The following PTGIS variants were observed in gnomAD, a reference collection of about 807,000 sequenced individuals.
PTGIS encodes prostacyclin synthase.
A neutral mutation model predicts 50.3 loss-of-function variants in PTGIS; 45 were observed. That is an observed-to-expected ratio of 0.90 (90% CI 0.70 to 1.15). PTGIS has a LOEUF of 1.15. PTGIS is among the 50% of genes most tolerant of loss of function. PTGIS has a pLI of 0.00. For synonymous variants in PTGIS, 260 were observed against 267.7 expected, an observed-to-expected ratio of 0.97 and a Z score of 0.28; for missense variants, 668 against 661.3, an observed-to-expected ratio of 1.01 and a Z score of -0.11.
chr20:49,515,250 C>T (rs1184437369), intron 6 of PTGIS, among the ~76,000 whole-genome samples: 1 of 152,192 alleles, frequency 6.6e-6, no homozygotes, highest in Non-Finnish European at 1.5e-5. Flanking sequence ...ACGTATAAAA[C>T]AAAGCCGCAA....
At chr20:49,544,198 G>T (rs1982298670) in intron 4 of PTGIS, 107 bp downstream of exon 4, 1 of 1,459,568 alleles carries the variant, frequency 6.9e-7, no homozygotes, top group Non-Finnish European at 9.3e-7. Flanking sequence ...GTCTCAAATT[G>T]CTTCCCCCAC....
intron 1 of PTGIS, among the ~76,000 whole-genome samples, chr20:49,559,715 A>G (rs1982716636): frequency 6.6e-6 from 1 of 152,198 alleles, no homozygotes; most frequent in African/African-American, 2.4e-5. Flanking sequence ...CACATATTGT[A>G]TTAATTCATT....
At chr20:49,548,827 A>C (rs528442704) in intron 2 of PTGIS, among the ~76,000 whole-genome samples, 8 of 152,178 alleles carry the variant, frequency 5.3e-5, no homozygotes, top group African/African-American at 1.7e-4. Flanking sequence ...AGATCAATGA[A>C]TCTATGTTGG....
At chr20:49,542,053 G>A (rs569251727) in intron 4 of PTGIS, among the ~76,000 whole-genome samples, 16 of 152,278 alleles carry the variant, frequency 1.1e-4, no homozygotes, top group Non-Finnish European at 2.4e-4. Context: ...AGACCTGTGG[G>A]GAACAGCATT....
At chr20:49,508,213 TTGC>T in intron 9 of PTGIS, 149 bp from the exon 10 acceptor site, 1 of 980,838 alleles carries the variant, frequency 1.0e-6, no homozygotes, top group Non-Finnish European at 1.6e-6. Flanking sequence ...AGAAACGCAT[TTGC>T]TGCTCACCAC....
chr20:49,508,167 C>A (rs1981207229), intron 9 of PTGIS, 103 bp from the exon 10 acceptor site: 6 of 1,363,378 alleles, frequency 4.4e-6, no homozygotes, highest in Non-Finnish European at 5.1e-6. Context: ...CTGACTCCAA[C>A]TTTGAGTAAA....
At chr20:49,509,498 T>C (rs1333726358) in intron 9 of PTGIS, among the ~76,000 whole-genome samples, 1 of 152,234 alleles carries the variant, frequency 6.6e-6, no homozygotes, top group Non-Finnish European at 1.5e-5. Context: ...TAACACTTGT[T>C]TTGAACAGGT....
At chr20:49,518,773 C>T (rs531233054) in intron 6 of PTGIS, among the ~76,000 whole-genome samples, 23 of 152,114 alleles carry the variant, frequency 1.5e-4, no homozygotes, top group Non-Finnish European at 2.6e-4. Context: ...AGATTCCACC[C>T]GAGTCTGTCT....
At chr20:49,546,335 T>TC (rs1244181814) in intron 3 of PTGIS, among the ~76,000 whole-genome samples, 4 of 151,950 alleles carry the variant, frequency 2.6e-5, no homozygotes, top group African/African-American at 9.7e-5. Context: ...ACCCCCAGGG[T>TC]CCCCCTGGAA....
At chr20:49,531,727 A>C (rs1036393809) in intron 5 of PTGIS, among the ~76,000 whole-genome samples, 1 of 152,124 alleles carries the variant, frequency 6.6e-6, no homozygotes, top group Non-Finnish European at 1.5e-5. Flanking sequence ...CCTGGGCTCA[A>C]GTGATCCTCC....
rs1249104790 is a variant in PTGIS at position 49,525,788 on chromosome 20, C to T, written c.674-1549G>A. 2.6e-5 allele frequency among the ~76,000 whole-genome samples: 4 copies of T among 152,254 alleles called. No homozygotes were observed. In the East Asian group the frequency reaches 7.7e-4, roughly 29 times the overall value. ...CTCTGAAGTTTCAAAGTATTGGAAA[C>T]TCCCTCACTGACTCTTCTGAACCAC... On this transcript the variant is annotated intron_variant, in intron 5 of 9. Transcript: ENST00000244043.
At position 49,507,753 on chromosome 20, in the gene PTGIS, C is replaced by T; in HGVS notation, c.*167G>A. The T allele has an allele frequency of 5.5e-6, 5 of 901,852 alleles. No homozygotes were observed. Among genetic ancestry groups the T allele is most frequent in the Admixed American group, 2.1e-5 (1 of 48,282 alleles). 55.9% of individuals were successfully genotyped at this position (901,852 alleles called of 1,614,324 possible). A position where few individuals can be genotyped will look rare whatever the true frequency, so the allele number is the denominator to read the frequency against. On this transcript the variant is annotated 3_prime_UTR_variant, in exon 10 of 10. Transcript: ENST00000244043. ...TTTCAATGTCTTTTCTTTGTTCACC[C>T]TCTTAGCTTTTCCCTCCCCTGGACC... is the stretch of plus-strand genomic sequence containing the variant.
chr20:49,514,991 A>G (rs1981438879), intron 6 of PTGIS, among the ~76,000 whole-genome samples: 1 of 152,228 alleles, frequency 6.6e-6, no homozygotes, highest in Non-Finnish European at 1.5e-5. Flanking sequence ...AGACTCATGG[A>G]CAGAGCTGAG....
chr20:49,548,472 T>G (rs1330122309), intron 2 of PTGIS, among the ~76,000 whole-genome samples: 3 of 150,092 alleles, frequency 2.0e-5, no homozygotes, highest in Non-Finnish European at 4.4e-5. Flanking sequence ...GGATGGATGG[T>G]TGGATGGAAG....
chr20:49,538,688 T>TTTAC (rs979323692), intron 5 of PTGIS, among the ~76,000 whole-genome samples: 81 of 149,668 alleles, frequency 5.4e-4, no homozygotes, highest in Admixed American at 3.0e-3. Flanking sequence ...TATTTATTTA[T>TTTAC]TTATTTATTT....
intron 4 of PTGIS, among the ~76,000 whole-genome samples, chr20:49,541,530 G>A (rs1187743117): frequency 1.3e-5 from 2 of 152,054 alleles, no homozygotes; most frequent in Admixed American, 6.6e-5. Context: ...TCAGGAGTTC[G>A]AGACCAGCTT....
In PTGIS at chr20:49,507,875, G is replaced by A. The variant is rs1981195077; in HGVS notation, c.*45C>T. 2 of 1,604,330 alleles carry A rather than the reference G, an allele frequency of 1.2e-6. No individual in the cohort carries two copies. Among genetic ancestry groups the A allele is most frequent in the Non-Finnish European group, 1.7e-6 (2 of 1,179,790 alleles). ...AGCTGGGAGGCTGGGGCAGGCTGGG[G>A]CAGGCTGGGCAGAGGCGAGCACGTG... On this transcript the variant is annotated 3_prime_UTR_variant, in exon 10 of 10. Transcript: ENST00000244043.
rs1981321538 is a variant in PTGIS, at chr20:49,511,594, TG to T, written c.1207-416del. ...TTTTACATTTAAGTATATATTTCTC[TG>T]TATTTCTTTATATTCTATGATATAT... On this transcript the variant is annotated intron_variant, in intron 8 of 9. Transcript: ENST00000244043. Among the ~76,000 whole-genome samples, 3 of 152,376 alleles carry T rather than the reference TG, an allele frequency of 2.0e-5. No individual in the cohort carries two copies. The South Asian group carries it at 6.2e-4, about 32-fold the overall frequency.
At chr20:49,513,004 C>T in intron 8 of PTGIS, 76 bp downstream of exon 8, 1 of 1,559,222 alleles carries the variant, frequency 6.4e-7, no homozygotes, top group Non-Finnish European at 8.8e-7. Flanking sequence ...CAGGCTGCCA[C>T]TCAGATCTGG....
Sources: gnomAD v4.1 joint callset for allele counts (sites outside exome capture counted in the v4.1 genomes callset) on GRCh38, gnomAD v4.1.1 for gene constraint, MANE v1.5 for transcripts, NCBI Gene and HGNC (gene_info 2026-07-23, HGNC 2026-07-21) for gene names.